Variants in TNFRSF11A observed in about 807,000 individuals in gnomAD.
TNFRSF11A encodes TNF receptor superfamily member 11a.
Under a neutral mutation model 55.7 loss-of-function variants are expected in TNFRSF11A, and 32 were observed. The observed-to-expected ratio is 0.57, with a 90% CI of 0.43 to 0.77. The LOEUF (loss-of-function observed/expected upper bound fraction) is 0.77, where lower values mean the gene tolerates loss of function less well. Among genes scored for constraint, TNFRSF11A ranks in the 30% least tolerant of loss-of-function variants. TNFRSF11A has a pLI of 0.00. For synonymous variants in TNFRSF11A, 311 were observed against 331.0 expected (o/e 0.94, Z 0.65); for missense variants, 753 against 809.8 (o/e 0.93, Z 0.85).
At chr18:62,363,801 G>A (rs757487820) in intron 7 of TNFRSF11A, among the ~76,000 whole-genome samples, 30 of 152,212 alleles carry the variant, frequency 2.0e-4, no homozygotes, top group Non-Finnish European at 2.8e-4. Flanking sequence ...TTGTAGGCAC[G>A]TTTATGTGAG....
intron 1 of TNFRSF11A, among the ~76,000 whole-genome samples, chr18:62,332,005 T>C (rs918823581): frequency 6.6e-6 from 1 of 152,234 alleles, no homozygotes; most frequent in African/African-American, 2.4e-5. Flanking sequence ...TAATAACTTA[T>C]TACATTTCCT....
chr18:62,358,153 C>T, intron 4 of TNFRSF11A, 95 bp from the exon 5 acceptor site: 1 of 1,205,602 alleles, frequency 8.3e-7, no homozygotes, highest in East Asian at 2.3e-5. Context: ...GCCTCACCTC[C>T]AGTCCTCTGG....
intron 9 of TNFRSF11A, among the ~76,000 whole-genome samples, chr18:62,372,045 C>T (rs1910592255): frequency 6.6e-6 from 1 of 152,148 alleles, no homozygotes; most frequent in Non-Finnish European, 1.5e-5. Flanking sequence ...AAGAGTATCT[C>T]CTGTCCCAGC....
intron 9 of TNFRSF11A, among the ~76,000 whole-genome samples, chr18:62,384,046 A>AAC (rs58712892): frequency 0.11 from 16,490 of 145,934 alleles, 931 homozygotes; most frequent in Middle Eastern, 0.19. Context: ...TTCTGTGTTG[A>AAC]ACACACACAC....
At chr18:62,351,448 C>A (rs915145553) in intron 3 of TNFRSF11A, among the ~76,000 whole-genome samples, 2 of 152,162 alleles carry the variant, frequency 1.3e-5, no homozygotes, top group African/African-American at 4.8e-5. Flanking sequence ...AATATTAGAA[C>A]CATGTAATAG....
At chr18:62,371,956 AT>A (rs1910585372) in intron 9 of TNFRSF11A, among the ~76,000 whole-genome samples, 1 of 151,072 alleles carries the variant, frequency 6.6e-6, no homozygotes, top group South Asian at 2.1e-4. Flanking sequence ...ATATGAGAGG[AT>A]TTTTTGTTTG....
intron 9 of TNFRSF11A, 76 bp from the exon 10 acceptor site, chr18:62,384,675 G>A (rs910842852): frequency 1.9e-6 from 3 of 1,555,160 alleles, no homozygotes; most frequent in South Asian, 2.4e-5. Flanking sequence ...TCCACTCCCC[G>A]GAACCTTCCT....
intron 1 of TNFRSF11A, among the ~76,000 whole-genome samples, chr18:62,341,755 G>A (rs779107153): frequency 4.7e-5 from 7 of 149,646 alleles, no homozygotes; most frequent in Non-Finnish European, 7.4e-5. Flanking sequence ...GAGTTCTCAC[G>A]TCTGCCTCTC....
intron 6 of TNFRSF11A, among the ~76,000 whole-genome samples, chr18:62,360,433 A>C (rs1909592801): frequency 6.7e-6 from 1 of 148,334 alleles, no homozygotes; most frequent in Non-Finnish European, 1.5e-5. Flanking sequence ...GTTGTAGATT[A>C]GATTAAATTA....
At chr18:62,331,225 G>A (rs976480171) in intron 1 of TNFRSF11A, among the ~76,000 whole-genome samples, 2 of 150,238 alleles carry the variant, frequency 1.3e-5, no homozygotes, top group Admixed American at 6.7e-5. Context: ...TAAATAAATA[G>A]TAAATAAATA....
rs750051818 is a variant in TNFRSF11A, at chr18:62,389,901, T to TG, written c.*4868dup. On this transcript the variant is annotated 3_prime_UTR_variant, in exon 10 of 10. Coordinates refer to ENST00000586569, the MANE Select transcript of TNFRSF11A (RefSeq NM_003839.4). ...TGGTTCATGACTCAGCGCTGTGACT[T>TG]GTGGACTTATCTTGTGCAGCTACAT... The TG allele has an allele frequency of 2.6e-5, 4 of 152,280 alleles. No homozygotes were observed. The highest frequency in any genetic ancestry group is 5.9e-5 in the Non-Finnish European group (4 of 68,086). The allele number at this position is 152,280 out of a possible 1,614,324, so 9.4% of individuals were successfully genotyped here.
chr18:62,351,153 C>T (rs1339563146), intron 3 of TNFRSF11A, among the ~76,000 whole-genome samples: 1 of 152,050 alleles, frequency 6.6e-6, no homozygotes, highest in Non-Finnish European at 1.5e-5. Flanking sequence ...CAGGCACGTG[C>T]CACCATGCCT....
chr18:62,336,523 C>T (rs2046236202), intron 1 of TNFRSF11A: 1 of 152,230 alleles, frequency 6.6e-6, no homozygotes, highest in Non-Finnish European at 1.5e-5. Flanking sequence ...GACCACAGGG[C>T]TTGTTGGCTT....
At chr18:62,328,554 A>G (rs1600341290) in intron 1 of TNFRSF11A, among the ~76,000 whole-genome samples, 3 of 152,134 alleles carry the variant, frequency 2.0e-5, no homozygotes, top group African/African-American at 7.2e-5. Flanking sequence ...GCCCTTACTG[A>G]GGTGGTAAAG....
rs1040665856 is a variant in TNFRSF11A, at chr18:62,371,697, T to G, written c.1567+2213T>G. On this transcript the variant is annotated intron_variant, in intron 9 of 9. Coordinates refer to ENST00000586569, the MANE Select transcript of TNFRSF11A (RefSeq NM_003839.4). ...GCAGCCAGATTGATTTTGGAGGCTG[T>G]GCTATTCTCTCCACAATTACTTCTC... Among the ~76,000 whole-genome samples, 44 of 152,248 alleles carry G rather than the reference T, an allele frequency of 2.9e-4. 1 individual carries two copies. The highest frequency in any genetic ancestry group is 6.0e-4 in the Non-Finnish European group (41 of 68,046).
chr18:62,380,439 T>TTTA (rs1479335574), intron 9 of TNFRSF11A, among the ~76,000 whole-genome samples: 102 of 149,838 alleles, frequency 6.8e-4, no homozygotes, highest in Middle Eastern at 3.4e-3. Flanking sequence ...TCAGGAATTT[T>TTTA]TTTTTTTTTT....
At chr18:62,344,209 T>G (rs1304471051) in intron 1 of TNFRSF11A, among the ~76,000 whole-genome samples, 1 of 152,228 alleles carries the variant, frequency 6.6e-6, no homozygotes, top group Admixed American at 6.5e-5. Context: ...AAGCTATTGT[T>G]CGTTTTGAAT....
At position 62,349,899 on chromosome 18, in the gene TNFRSF11A, A is replaced by T; in HGVS notation, c.245A>T (p.Glu82Val). The T allele has an allele frequency of 1.9e-6, 3 of 1,614,104 alleles. No individual in the cohort carries two copies. The African/African-American group carries it at 4.0e-5, about 22-fold the overall frequency. Residue 82 changes from glutamate (E) to valine (V), a missense_variant, in exon 3 of 10, where the codon GAA (glutamate) becomes GTA (valine). Glu to Val is a moderately radical substitution (Grantham distance 121). Coordinates refer to ENST00000586569, the MANE Select transcript of TNFRSF11A (RefSeq NM_003839.4). ...GPDEYLDSWNEEDKCLLHKVC... is the reference protein window; with the variant it reads ...GPDEYLDSWNVEDKCLLHKVC... ...GATGAATACTTGGATAGCTGGAATGAAGAAGATAAATGCTTGCTGCATAAA... is the reference window on the plus strand; with the variant it reads ...GATGAATACTTGGATAGCTGGAATGTAGAAGATAAATGCTTGCTGCATAAA...
chr18:62,346,959 T>C (rs1417427822), intron 1 of TNFRSF11A, among the ~76,000 whole-genome samples: 1 of 152,194 alleles, frequency 6.6e-6, no homozygotes, highest in East Asian at 1.9e-4. Flanking sequence ...TTTGAACTGC[T>C]CATATTGTCC....
Sources: allele counts gnomAD v4.1 joint callset (sites outside exome capture counted in the v4.1 genomes callset), GRCh38; gene constraint gnomAD v4.1.1; transcripts MANE v1.5; gene names NCBI Gene and HGNC (gene_info 2026-07-23, HGNC 2026-07-21).